Variants in SLC30A8 observed in about 807,000 individuals in gnomAD.
SLC30A8 encodes the protein proton-coupled zinc antiporter SLC30A8.
SLC30A8 carries 27 observed loss-of-function variants against 36.9 expected under a neutral mutation model. The observed-to-expected ratio is 0.73, with a 90% CI of 0.54 to 1.01. The LOEUF (loss-of-function observed/expected upper bound fraction) is 1.01, where lower values mean the gene tolerates loss of function less well. SLC30A8 is among the 50% of genes least tolerant of loss of function. The pLI, the probability that SLC30A8 is intolerant of heterozygous loss-of-function variation, is 0.00. For missense variants in SLC30A8, 439 were observed against 452.0 expected (o/e 0.97, Z 0.26); for synonymous variants, 164 against 172.4 (o/e 0.95, Z 0.38).
At chr8:117,018,675 C>CCTT (rs761796400) in intron 1 of SLC30A8, among the ~76,000 whole-genome samples, 12 of 105,350 alleles carry the variant, frequency 1.1e-4, no homozygotes, top group African/African-American at 1.9e-4. Context: ...CCCCCCCCCC[C>CCTT]TTTTTTTTTT....
intron 1 of SLC30A8, among the ~76,000 whole-genome samples, chr8:117,145,752 C>T (rs1351070242): frequency 6.6e-6 from 1 of 152,108 alleles, no homozygotes; most frequent in African/African-American, 2.4e-5. Context: ...GCTTGGGATT[C>T]CCACTCCAAA....
At chr8:116,961,498 A>G (rs894678041) in intron 1 of SLC30A8, among the ~76,000 whole-genome samples, 17 of 151,998 alleles carry the variant, frequency 1.1e-4, no homozygotes, top group Non-Finnish European at 2.4e-4. Context: ...AAACAGAATA[A>G]AAGACATGAA....
intron 1 of SLC30A8, among the ~76,000 whole-genome samples, chr8:116,991,089 C>A (rs1439978116): frequency 1.3e-5 from 2 of 152,076 alleles, no homozygotes; most frequent in Non-Finnish European, 2.9e-5. Context: ...ATTTGCCATT[C>A]TATTTTTGAA....
At chr8:116,996,663 C>T (rs952043469) in intron 1 of SLC30A8, among the ~76,000 whole-genome samples, 1 of 152,132 alleles carries the variant, frequency 6.6e-6, no homozygotes, top group Admixed American at 6.5e-5. Flanking sequence ...GCTTATAGGT[C>T]ATCACACATT....
In SLC30A8 at chr8:117,015,536, A is replaced by ACC. The variant is rs35601596; in HGVS notation, c.-265-23672_-265-23671dup. On this transcript the variant is annotated intron_variant, in intron 1 of 10. Transcript: ENST00000427715. ...AGTAATAAATTAGATGCTATTATGC[A>ACC]CCCCCCCCCCCCAAAAAAAAGAGGG... is the stretch of plus-strand genomic sequence containing the variant. Among the ~76,000 whole-genome samples the ACC allele has an allele frequency of 1.4e-4, 20 of 141,728 alleles. No homozygotes were observed. The East Asian group carries it at 1.4e-3, about 10-fold the overall frequency. 93.0% of individuals were successfully genotyped at this position (141,728 alleles called of 152,430 possible).
chr8:117,131,853 G>A (rs920047013), upstream of SLC30A8, among the ~76,000 whole-genome samples: 1 of 151,918 alleles, frequency 6.6e-6, no homozygotes, highest in Non-Finnish European at 1.5e-5. Flanking sequence ...AGATGGATTC[G>A]ATTAATACTC....
At chr8:117,158,146 A>G (rs1822597835) in intron 4 of SLC30A8, among the ~76,000 whole-genome samples, 1 of 152,216 alleles carries the variant, frequency 6.6e-6, no homozygotes, top group Non-Finnish European at 1.5e-5. Flanking sequence ...ATAGATTAGG[A>G]AACTAAAGCC....
Position 117,135,209 on chromosome 8 carries a change from G to A in SLC30A8, c.-119G>A. On this transcript the variant is annotated 5_prime_UTR_variant, in exon 1 of 8. Coordinates refer to ENST00000456015, the MANE Select transcript of SLC30A8 (RefSeq NM_173851.3). ...AGGAAGCTCATTATTTTAATTTCTG[G>A]AGCCTTTTAATTTTTTCTTTAGAAA... is the stretch of plus-strand genomic sequence containing the variant. 1 of 580,290 alleles carries A rather than the reference G, an allele frequency of 1.7e-6. No individual in the cohort carries two copies. The allele number at this position is 580,290 out of a possible 1,614,324, so 35.9% of individuals were successfully genotyped here.
intron 6 of SLC30A8, among the ~76,000 whole-genome samples, chr8:117,170,751 G>C (rs1823334085): frequency 6.6e-6 from 1 of 152,032 alleles, no homozygotes. Flanking sequence ...AAAGATAGTT[G>C]GAAAAGGCAC....
chr8:117,129,948 C>T (rs1055414027), intron 2 of SLC30A8: 1 of 151,922 alleles, frequency 6.6e-6, no homozygotes. Flanking sequence ...GTCATCTGCT[C>T]ACTGATCAAT....
chr8:116,996,746 C>T (rs1323064436), intron 1 of SLC30A8, among the ~76,000 whole-genome samples: 1 of 152,104 alleles, frequency 6.6e-6, no homozygotes. Context: ...GGTGGCTGTA[C>T]ATTTATTTGG....
intron 1 of SLC30A8, among the ~76,000 whole-genome samples, chr8:116,978,496 G>A (rs1176970954): frequency 6.6e-6 from 1 of 151,090 alleles, no homozygotes; most frequent in Non-Finnish European, 1.5e-5. Context: ...ATCTAAATGA[G>A]GTGATTAGTA....
In SLC30A8 at chr8:117,135,390, A is replaced by C. The variant is rs1200370065; in HGVS notation, c.63A>C (p.Thr21=). ...NDKAAKMYAF[T]LESVELQQKP... is the part of the protein sequence containing the mutation. The stretch of plus-strand genomic sequence containing the variant: ...AAGCTGCCAAGATGTATGCTTTCAC[A>C]CTAGAAAGGTAATAGATGTCTGTGT... Residue 21 remains threonine, a synonymous_variant, in exon 1 of 8, where the codon ACA becomes ACC. Coordinates refer to ENST00000456015, the MANE Select transcript of SLC30A8 (RefSeq NM_173851.3). The C allele has an allele frequency of 1.3e-6, 2 of 1,595,762 alleles. No individual in the cohort carries two copies. The highest frequency in any genetic ancestry group is 2.7e-5 in the African/African-American group (2 of 74,452).
chr8:117,082,535 T>C (rs1449082686), intron 2 of SLC30A8, among the ~76,000 whole-genome samples: 3 of 152,106 alleles, frequency 2.0e-5, no homozygotes, highest in Admixed American at 2.0e-4. Flanking sequence ...GTCTAGAAGA[T>C]CCAACAAAAG....
At chr8:117,140,733 C>T (rs1185768556) in intron 1 of SLC30A8, among the ~76,000 whole-genome samples, 10 of 151,962 alleles carry the variant, frequency 6.6e-5, no homozygotes, top group Non-Finnish European at 1.0e-4. Context: ...TTACAAAAAT[C>T]AGTAAAGAAA....
chr8:117,060,509 G>A (rs975767198), intron 2 of SLC30A8, among the ~76,000 whole-genome samples: 1 of 152,134 alleles, frequency 6.6e-6, no homozygotes, highest in Non-Finnish European at 1.5e-5. Flanking sequence ...AAATATAGAT[G>A]CAGGAAACAA....
At chr8:117,153,727 T>TGC (rs1207854072) in intron 3 of SLC30A8, among the ~76,000 whole-genome samples, 1 of 141,234 alleles carries the variant, frequency 7.1e-6, no homozygotes, top group African/African-American at 3.0e-5. Flanking sequence ...ATAAGGGGTG[T>TGC]GTGTGTGTGT....
intron 1 of SLC30A8, among the ~76,000 whole-genome samples, chr8:116,986,769 G>T (rs888538761): frequency 6.6e-6 from 1 of 152,022 alleles, no homozygotes; most frequent in Non-Finnish European, 1.5e-5. Context: ...GCTTGAAGTG[G>T]ATTTTCACTG....
chr8:116,969,656 C>T (rs201988088), intron 1 of SLC30A8, among the ~76,000 whole-genome samples: 1 of 152,114 alleles, frequency 6.6e-6, no homozygotes, highest in African/African-American at 2.4e-5. Flanking sequence ...TATAGACTAT[C>T]GCTCCTAGGC....
Sources: allele counts gnomAD v4.1 joint callset (sites outside exome capture counted in the v4.1 genomes callset), GRCh38; gene constraint gnomAD v4.1.1; transcripts MANE v1.5; gene names NCBI Gene and HGNC (gene_info 2026-07-23, HGNC 2026-07-21).